CERKL: variants seen among roughly 807,000 people sequenced by gnomAD.
CERKL encodes ceramide kinase-like protein.
A neutral mutation model predicts 63.4 loss-of-function variants in CERKL; 61 were observed. That is an observed-to-expected ratio of 0.96 (90% CI 0.78 to 1.19). The LOEUF (loss-of-function observed/expected upper bound fraction) is 1.19, where lower values mean the gene tolerates loss of function less well. CERKL is among the 50% of genes most tolerant of loss of function. The pLI is 0.00. For synonymous variants in CERKL, 250 were observed against 230.5 expected (o/e 1.08, Z -0.77); for missense variants, 675 against 655.5 (o/e 1.03, Z -0.33).
chr2:181,644,965 C>T (rs892387198), intron 1 of CERKL, among the ~76,000 whole-genome samples: 1 of 152,116 alleles, frequency 6.6e-6, no homozygotes, highest in African/African-American at 2.4e-5. Flanking sequence ...CAGAGATAGG[C>T]AGGAGCCAAG....
chr2:181,547,911 A>ACACACACACACACC (rs2105802251), intron 8 of CERKL, 64 bp from the exon 9 acceptor site: 1 of 1,453,966 alleles, frequency 6.9e-7, no homozygotes, highest in Non-Finnish European at 9.6e-7. Flanking sequence ...ACACAGACAC[A>ACACACACACACACC]CACAAATCTA....
rs113742407 is a variant in CERKL at position 181,608,500 on chromosome 2, A to C, written c.239-4421T>G. The stretch of plus-strand genomic sequence containing the variant: ...TGAAAGTGATGAAATAAACTCTTTT[A>C]ACTTTTCATTGAAGTCCTGTACTTC... On this transcript the variant is annotated intron_variant, in intron 1 of 12. Transcript: ENST00000410087. 6.0e-3 allele frequency among the ~76,000 whole-genome samples: 916 copies of C among 152,272 alleles called. 8 individuals carry two copies. The highest frequency in any genetic ancestry group is 0.02 in the African/African-American group (840 of 41,552).
At chr2:181,597,613 G>A (rs1046095212) in intron 2 of CERKL, among the ~76,000 whole-genome samples, 3 of 152,204 alleles carry the variant, frequency 2.0e-5, no homozygotes, top group Non-Finnish European at 4.4e-5. Context: ...GTTATTGGTG[G>A]TAATTTAGGA....
intron 1 of CERKL, among the ~76,000 whole-genome samples, chr2:181,620,734 A>G (rs1201722362): frequency 6.6e-6 from 1 of 152,170 alleles, no homozygotes; most frequent in East Asian, 1.9e-4. Context: ...CAGCAATGGG[A>G]CCACTGTGGT....
intron 2 of CERKL, among the ~76,000 whole-genome samples, chr2:181,599,810 A>T (rs1269386980): frequency 6.6e-6 from 1 of 152,198 alleles, no homozygotes; most frequent in African/African-American, 2.4e-5. Context: ...AAATTTCCCT[A>T]ATCTTGCCAG....
chr2:181,550,508 T>C lies in CERKL; in HGVS notation c.821-800A>G, dbSNP rs933409426. 6.6e-6 allele frequency among the ~76,000 whole-genome samples: 1 copy of C among 152,142 alleles called. No homozygotes were observed. The highest frequency in any genetic ancestry group is 1.5e-5 in the Non-Finnish European group (1 of 68,036). On this transcript the variant is annotated intron_variant, in intron 5 of 12. Coordinates refer to ENST00000410087, the MANE Select transcript of CERKL (RefSeq NM_201548.5). This position sits in a 1 kb window ranked among gnomAD's most constrained non-coding sequence, Gnocchi z 4.5. ...GGAGGCTAAAGAGAATTTAAAATTA[T>C]TAAGAACAGAATGAATGAAGCTACA...
chr2:181,626,393 G>T (rs1686705648), intron 1 of CERKL, among the ~76,000 whole-genome samples: 1 of 152,162 alleles, frequency 6.6e-6, no homozygotes, highest in Non-Finnish European at 1.5e-5. Flanking sequence ...AGAAGGCACA[G>T]GAAGGAAAGA....
At chr2:181,585,380 G>A (rs1684717286) in intron 2 of CERKL, among the ~76,000 whole-genome samples, 1 of 151,992 alleles carries the variant, frequency 6.6e-6, no homozygotes, top group South Asian at 2.1e-4. Context: ...CTGCATTAAA[G>A]AAAACAAAAG....
intron 2 of CERKL, among the ~76,000 whole-genome samples, chr2:181,575,392 G>A (rs1689088093): frequency 6.6e-6 from 1 of 152,196 alleles, no homozygotes; most frequent in Non-Finnish European, 1.5e-5. Flanking sequence ...GTACTGGGAA[G>A]AAGGGCCAAG....
Position 181,656,992 on chromosome 2 carries a change from C to T in CERKL, c.15G>A (p.Arg5=), listed in dbSNP as rs762405291. The T allele has an allele frequency of 8.2e-5, 130 of 1,580,358 alleles. 2 individuals carry two copies. In the Admixed American group the frequency reaches 2.2e-3, roughly 26 times the overall value. The stretch of plus-strand genomic sequence containing the variant: ...CCAGGGCACTCACCCGGTTCCTGCG[C>T]CTCCTCCAGGGCATGGCGGAGTCGC... The part of the protein sequence containing the change: MPWR[R]RRNRVSALEG... Residue 5 remains arginine (R), a synonymous_variant, in exon 1 of 13, where the codon AGG becomes AGA. Transcript: ENST00000410087.
intron 1 of CERKL, among the ~76,000 whole-genome samples, chr2:181,634,103 C>T (rs1451588387): frequency 6.6e-6 from 1 of 152,078 alleles, no homozygotes; most frequent in Non-Finnish European, 1.5e-5. Flanking sequence ...AAATAACATC[C>T]ATAGACAGCT....
At position 181,537,640 on chromosome 2, in the gene CERKL, A is replaced by AAAAAT. The variant is rs1307210957; in HGVS notation, c.*539_*543dup. 4.6e-6 allele frequency: 2 copies of AAAAAT among 435,268 alleles called. No homozygotes were observed. Among genetic ancestry groups the AAAAAT allele is most frequent in the Admixed American group, 5.2e-5 (2 of 38,268 alleles). 27.0% of individuals were successfully genotyped at this position (435,268 alleles called of 1,614,324 possible). ...ACATAATTGATGAGCTCAAATCCTGAAAAATGAAAGAATCCAAATTATTTC... is the reference window on the plus strand; with the variant it reads ...ACATAATTGATGAGCTCAAATCCTGAAAAATAAAATGAAAGAATCCAAATTATTTC... On this transcript the variant is annotated 3_prime_UTR_variant, in exon 13 of 13. Coordinates refer to ENST00000410087, the MANE Select transcript of CERKL (RefSeq NM_201548.5).
At chr2:181,635,865 T>TA (rs1227883519) in intron 1 of CERKL, among the ~76,000 whole-genome samples, 1 of 152,210 alleles carries the variant, frequency 6.6e-6, no homozygotes, top group East Asian at 1.9e-4. Context: ...ACTGACTTTT[T>TA]ACACTCCAAT....
chr2:181,549,795 T>G lies in CERKL; in HGVS notation c.821-87A>C, dbSNP rs12623737. 0.13 allele frequency: 109,933 copies of G among 856,068 alleles called. 8,181 individuals are homozygous for G. The highest frequency in any genetic ancestry group is 0.22 in the East Asian group (9,087 of 41,040). The allele number at this position is 856,068 out of a possible 1,614,324, so 53.0% of individuals were successfully genotyped here. A position where few individuals can be genotyped will look rare whatever the true frequency, so the allele number is the denominator to read the frequency against. On this transcript the variant is annotated intron_variant, in intron 5 of 12. Transcript: ENST00000410087. ...TTTTACTTTATGTAGATGTCATTCT[T>G]CAATGTTCAGATGAAAAATAAACGA...
At chr2:181,606,151 A>G (rs985534546) in intron 1 of CERKL, among the ~76,000 whole-genome samples, 1 of 149,324 alleles carries the variant, frequency 6.7e-6, no homozygotes, top group Non-Finnish European at 1.5e-5. Flanking sequence ...GGAGAAGGAG[A>G]CAGACGGAGA....
rs543374355 is a variant in CERKL, at chr2:181,574,685, G to A, written c.482-801C>T. ...AGGAGCAAAAAGAAAGCTGACAACC[G>A]TTTCTTTTACGGTAAGCTGCTCTCA... On this transcript the variant is annotated intron_variant, in intron 2 of 12. Transcript: ENST00000410087. Among the ~76,000 whole-genome samples the A allele has an allele frequency of 5.3e-5, 8 of 152,190 alleles. No individual in the cohort carries two copies. In the South Asian group the frequency reaches 6.2e-4, roughly 12 times the overall value.
intron 1 of CERKL, among the ~76,000 whole-genome samples, chr2:181,614,636 C>T (rs1002225253): frequency 1.3e-5 from 2 of 152,112 alleles, no homozygotes; most frequent in African/African-American, 4.8e-5. Context: ...CCCATGCTAG[C>T]CACTTCTGTT....
At position 181,625,449 on chromosome 2, in the gene CERKL, C is replaced by A. The variant is rs75499957; in HGVS notation, c.239-21370G>T. ...CACAATAGTTCTATAAGGTAGAAAT[C>A]ACCTCACTTTACATATGAAAATGTA... On this transcript the variant is annotated intron_variant, in intron 1 of 12. Transcript: ENST00000410087. Among the ~76,000 whole-genome samples, 1,039 of 151,902 alleles carry A rather than the reference C, an allele frequency of 6.8e-3. 5 individuals carry two copies. Among genetic ancestry groups the A allele is most frequent in the Non-Finnish European group, 0.012 (788 of 67,978 alleles).
At position 181,538,189 on chromosome 2, in the gene CERKL, T is replaced by G. The variant is rs755723305; in HGVS notation, c.1594A>C (p.Lys532Gln). 3.2e-6 allele frequency: 5 copies of G among 1,567,982 alleles called. No homozygotes were observed. The highest frequency in any genetic ancestry group is 4.4e-6 in the Non-Finnish European group (5 of 1,139,532). ...YGGSMEEMIPK is the reference protein window; with the variant it reads ...YGGSMEEMIPQ ...CTTTTAGAAACAATTACATGTTACT[T>G]TGGAATCATTTCTTCCATGCTTCCT... is the stretch of plus-strand genomic sequence containing the variant. The change falls in exon 13 of 13, where the codon AAG (lysine) becomes CAG (glutamine). Residue 532 changes from lysine (K) to glutamine (Q), a missense_variant. Physicochemically the swap from Lys to Gln is moderately conservative, Grantham distance 53. Coordinates refer to ENST00000410087, the MANE Select transcript of CERKL (RefSeq NM_201548.5).
Sources: gnomAD v4.1 joint callset for allele counts (sites outside exome capture counted in the v4.1 genomes callset) on GRCh38, gnomAD v4.1.1 for gene constraint, Gnocchi (gnomAD v3.1) non-coding constraint, MANE v1.5 for transcripts, NCBI Gene and HGNC (gene_info 2026-07-23, HGNC 2026-07-21) for gene names.